The following MAP9 variants were observed in gnomAD, a reference collection of about 807,000 sequenced individuals.
MAP9 encodes the protein microtubule associated protein 9, also known as microtubule-associated protein 9.
A neutral mutation model predicts 75.2 loss-of-function variants in MAP9; 80 were observed. The ratio of observed to expected loss-of-function variants is 1.06; its 90% CI spans 0.89 to 1.28. The LOEUF is 1.28. MAP9 is among the 50% of genes most tolerant of loss of function. The pLI is 0.00. For missense variants in MAP9, 753 were observed against 719.9 expected (o/e 1.05, Z -0.53); for synonymous variants, 235 against 237.3 (o/e 0.99, Z 0.09).
chr4:155,370,099 C>T (rs1732527775), intron 4 of MAP9, among the ~76,000 whole-genome samples: 1 of 152,136 alleles, frequency 6.6e-6, no homozygotes, highest in African/African-American at 2.4e-5. Context: ...ATCCTAAACT[C>T]CAGCCAAATG....
At chr4:155,367,852 C>A (rs1419539973) in intron 5 of MAP9, among the ~76,000 whole-genome samples, 1 of 152,254 alleles carries the variant, frequency 6.6e-6, no homozygotes, top group African/African-American at 2.4e-5. Context: ...ACCAACACTG[C>A]AGACAAGCGA....
chr4:155,348,082 T>TC (rs1731348630), intron 13 of MAP9, among the ~76,000 whole-genome samples, 177 bp from the exon 14 acceptor site: 1 of 152,134 alleles, frequency 6.6e-6, no homozygotes, highest in Non-Finnish European at 1.5e-5. Context: ...ATGCCAGTAA[T>TC]CCCAGAACTT....
chr4:155,350,872 C>T (rs1731481514), intron 13 of MAP9, among the ~76,000 whole-genome samples: 1 of 151,898 alleles, frequency 6.6e-6, no homozygotes, highest in African/African-American at 2.4e-5. Flanking sequence ...TCCATTTTCT[C>T]AAGTCTTCAT....
intron 4 of MAP9, 63 bp downstream of exon 4, chr4:155,373,073 T>G (rs954173243): frequency 8.9e-7 from 1 of 1,123,134 alleles, no homozygotes; most frequent in African/African-American, 1.6e-5. Context: ...ATAAAAATTT[T>G]GGGACTGATT....
intron 4 of MAP9, among the ~76,000 whole-genome samples, chr4:155,370,368 A>T (rs926326891): frequency 4.6e-5 from 7 of 152,168 alleles, no homozygotes; most frequent in Admixed American, 6.6e-5. Context: ...TAAAAGCTTA[A>T]CTGCCTTTAA....
At position 155,362,134 on chromosome 4, in the gene MAP9, C is replaced by T. The variant is rs754203076; in HGVS notation, c.716G>A (p.Cys239Tyr). 26 of 1,565,400 alleles carry T rather than the reference C, an allele frequency of 1.7e-5. No individual in the cohort carries two copies. In the East Asian group the frequency reaches 5.9e-4, roughly 35 times the overall value. The change falls in exon 6 of 14, where the codon TGC becomes TAC. Residue 239 changes from cysteine to tyrosine, a missense_variant. Cys to Tyr is a radical substitution (Grantham distance 194). Transcript: ENST00000311277. ...TGATGATGATGCTAGACTTGTTAAGCATGAATCCTGTTTTCGCAAAAAAAA... is the reference window on the plus strand; with the variant it reads ...TGATGATGATGCTAGACTTGTTAAGTATGAATCCTGTTTTCGCAAAAAAAA... ...FSENLDPEDS[C>Y]LTSLASSSLK... is the part of the protein sequence containing the mutation.
intron 11 of MAP9, 39 bp downstream of exon 11, chr4:155,353,140 A>G (rs1490547756): frequency 2.6e-6 from 4 of 1,544,598 alleles, no homozygotes; most frequent in Non-Finnish European, 3.5e-6. Flanking sequence ...TGGATTTCAA[A>G]TGTTTTAAAA....
Position 155,361,948 on chromosome 4 carries a change from A to G in MAP9, c.802+100T>C, listed in dbSNP as rs564144186. On this transcript the variant is annotated intron_variant, in intron 6 of 13. Transcript: ENST00000311277. Reference sequence around the variant, plus strand: ...TTAAAACTCAAACACATAAAAACATATATTTCTCTTATAACTATACAAAGT... The same window carrying G: ...TTAAAACTCAAACACATAAAAACATGTATTTCTCTTATAACTATACAAAGT... 7.2e-5 allele frequency: 53 copies of G among 732,872 alleles called. No homozygotes were observed. In the East Asian group the frequency reaches 9.9e-4, roughly 14 times the overall value. 45.4% of individuals were successfully genotyped at this position (732,872 alleles called of 1,614,324 possible).
chr4:155,368,956 C>A (rs1488551918), intron 4 of MAP9, 144 bp from the exon 5 acceptor site: 2 of 640,998 alleles, frequency 3.1e-6, no homozygotes, highest in Middle Eastern at 8.2e-4. Context: ...CACAACTCTT[C>A]TCTATACAGA....
At chr4:155,370,854 T>C (rs551507488) in intron 4 of MAP9, among the ~76,000 whole-genome samples, 1 of 152,160 alleles carries the variant, frequency 6.6e-6, no homozygotes, top group African/African-American at 2.4e-5. Context: ...ATTTATAGAG[T>C]GCTAAATTTA....
chr4:155,374,553 T>G lies in MAP9; in HGVS notation c.160+384A>C, dbSNP rs566465123. The stretch of plus-strand genomic sequence containing the variant: ...AAGCTTTATAAAAGCACTTCTAATG[T>G]GCACCGAAGTTTAGTTCTGTGGGAC... On this transcript the variant is annotated intron_variant, in intron 3 of 13. Coordinates refer to ENST00000311277, the MANE Select transcript of MAP9 (RefSeq NM_001039580.2). 3.9e-5 allele frequency among the ~76,000 whole-genome samples: 6 copies of G among 152,292 alleles called. No homozygotes were observed. The East Asian group carries it at 1.2e-3, about 29-fold the overall frequency.
intron 4 of MAP9, among the ~76,000 whole-genome samples, chr4:155,371,523 GA>G (rs74645728): frequency 4.0e-5 from 6 of 149,198 alleles, no homozygotes; most frequent in South Asian, 2.1e-4. Flanking sequence ...TTCCCAAAAA[GA>G]AAAAAAAATG....
intron 1 of MAP9, among the ~76,000 whole-genome samples, chr4:155,376,214 C>T (rs1404642700): frequency 6.6e-6 from 1 of 152,114 alleles, no homozygotes; most frequent in East Asian, 1.9e-4. Flanking sequence ...TTTTTCACCT[C>T]TCTTCTAAAG....
rs1731255335 is a variant in MAP9 at position 155,345,566 on chromosome 4, A to G, written c.*2217T>C. ...ACCATTATCAACCCTATCTATGTTA[A>G]TGTTCGCACACTCATGAATGGGGAA... On this transcript the variant is annotated 3_prime_UTR_variant, in exon 14 of 14. Transcript: ENST00000311277. 1 of 152,064 alleles carries G rather than the reference A, an allele frequency of 6.6e-6. No homozygotes were observed. The highest frequency in any genetic ancestry group is 2.4e-5 in the African/African-American group (1 of 41,418). 9.4% of individuals were successfully genotyped at this position (152,064 alleles called of 1,614,324 possible). A position where few individuals can be genotyped will look rare whatever the true frequency, so the allele number is the denominator to read the frequency against.
In MAP9 at chr4:155,355,962, TATA is replaced by T; in HGVS notation, c.1122-81_1122-79del. The stretch of plus-strand genomic sequence containing the variant: ...AGAGAGATCTGTTAGAATATGCACG[TATA>T]ATATTTGAAAACTGGCCAGGCATGA... On this transcript the variant is annotated intron_variant, in intron 8 of 13. Transcript: ENST00000311277. The T allele has an allele frequency of 3.1e-6, 4 of 1,305,626 alleles. No individual in the cohort carries two copies. In the South Asian group the frequency reaches 5.6e-5, roughly 18 times the overall value. The allele number at this position is 1,305,626 out of a possible 1,614,324, so 80.9% of individuals were successfully genotyped here.
At chr4:155,367,728 T>A (rs1252559304) in intron 5 of MAP9, among the ~76,000 whole-genome samples, 6 of 152,254 alleles carry the variant, frequency 3.9e-5, no homozygotes, top group Non-Finnish European at 5.9e-5. Context: ...GGTAGCCTAT[T>A]GTGCTTCCTA....
chr4:155,372,947 A>G (rs1373886286), intron 4 of MAP9, 189 bp downstream of exon 4: 1 of 448,458 alleles, frequency 2.2e-6, no homozygotes, highest in African/African-American at 2.0e-5. Context: ...GGTCTGTAAA[A>G]TTGAAGTTAG....
intron 1 of MAP9, 32 bp from the exon 2 acceptor site, chr4:155,375,946 T>C: frequency 1.0e-5 from 8 of 777,750 alleles, no homozygotes; most frequent in Non-Finnish European, 1.7e-5. Context: ...AGACTTCGCA[T>C]GCTTCAGAAT....
intron 5 of MAP9, chr4:155,362,892 G>C (rs565604671): frequency 6.6e-6 from 1 of 152,200 alleles, no homozygotes; most frequent in Non-Finnish European, 1.5e-5. Context: ...AAGAAGTGCT[G>C]AGACACTGGA....
Sources: gnomAD v4.1 joint callset for allele counts (sites outside exome capture counted in the v4.1 genomes callset) on GRCh38, gnomAD v4.1.1 for gene constraint, MANE v1.5 for transcripts, NCBI Gene and HGNC (gene_info 2026-07-23, HGNC 2026-07-21) for gene names.